The following PCDHA7 variants were observed in gnomAD, a reference collection of about 807,000 sequenced individuals.
PCDHA7 encodes protocadherin alpha-7.
PCDHA7 carries 37 observed loss-of-function variants against 57.2 expected under a neutral mutation model. The observed-to-expected ratio is 0.65, with a 90% CI of 0.50 to 0.85. The LOEUF is 0.85. Among genes scored for constraint, PCDHA7 ranks in the 40% least tolerant of loss-of-function variants. The probability of loss-of-function intolerance (pLI) is 0.00; values close to 1 mark genes in which losing one functional copy is unlikely to be tolerated. For missense variants in PCDHA7, 1,188 were observed against 1,241.8 expected, an observed-to-expected ratio of 0.96 and a Z score of 0.65; for synonymous variants, 553 against 558.8, an observed-to-expected ratio of 0.99 and a Z score of 0.15.
intron 1 of PCDHA7, chr5:140,884,401 G>T (rs781854362): frequency 3.1e-6 from 5 of 1,613,996 alleles, no homozygotes; most frequent in Non-Finnish European, 4.2e-6. Flanking sequence ...CCAGCCTGTT[G>T]GTGCTCACGT....
chr5:140,920,766 C>T (rs370765138), intron 1 of PCDHA7, among the ~76,000 whole-genome samples: 66 of 151,878 alleles, frequency 4.3e-4, no homozygotes, highest in African/African-American at 1.6e-3. Context: ...ATTGCTTACA[C>T]CTGGGAGGTG....
At chr5:140,958,301 TA>T (rs2095417556) in intron 1 of PCDHA7, among the ~76,000 whole-genome samples, 1 of 152,248 alleles carries the variant, frequency 6.6e-6, no homozygotes, top group African/African-American at 2.4e-5. Flanking sequence ...TGAACTTAAT[TA>T]AAATAAATTA....
intron 1 of PCDHA7, among the ~76,000 whole-genome samples, chr5:140,905,949 A>T (rs897929607): frequency 2.0e-5 from 3 of 152,242 alleles, no homozygotes; most frequent in African/African-American, 7.2e-5. Context: ...TTGGAATCCG[A>T]TGTTCAAGGG....
rs560121926 is a variant in PCDHA7 at position 140,949,352 on chromosome 5, T to A, written c.2356-29597T>A. Among the ~76,000 whole-genome samples, 6 of 151,992 alleles carry A rather than the reference T, an allele frequency of 3.9e-5. No individual in the cohort carries two copies. The South Asian group carries it at 1.2e-3, about 31-fold the overall frequency. On this transcript the variant is annotated intron_variant, in intron 1 of 3. Transcript: ENST00000525929. Reference sequence around the variant, plus strand: ...TTGTTATCCAGATTTTCTGTGTCTTTATTTTTTTGTCTAGTTGTCCTATCA... The same window carrying A: ...TTGTTATCCAGATTTTCTGTGTCTTAATTTTTTTGTCTAGTTGTCCTATCA...
At chr5:140,983,740 C>A (rs1250895126) in intron 3 of PCDHA7, among the ~76,000 whole-genome samples, 1 of 152,190 alleles carries the variant, frequency 6.6e-6, no homozygotes, top group African/African-American at 2.4e-5. Context: ...GGCTGGCTTG[C>A]AATAATCCAT....
chr5:140,941,199 C>CTCCCT (rs2092799099), intron 1 of PCDHA7, among the ~76,000 whole-genome samples: 1 of 115,882 alleles, frequency 8.6e-6, no homozygotes, highest in South Asian at 2.6e-4. Flanking sequence ...TTTTTTCTTT[C>CTCCCT]TTCCTTTCTT....
chr5:140,987,012 G>A (rs2097222470), intron 3 of PCDHA7, among the ~76,000 whole-genome samples: 1 of 151,994 alleles, frequency 6.6e-6, no homozygotes. Context: ...TCATGAGTTC[G>A]AGACCAGCCT....
At chr5:140,956,356 T>C (rs1283114496) in intron 1 of PCDHA7, among the ~76,000 whole-genome samples, 3 of 152,218 alleles carry the variant, frequency 2.0e-5, no homozygotes, top group Non-Finnish European at 4.4e-5. Flanking sequence ...ATTTTTAACA[T>C]GAAGGGATGT....
chr5:140,973,406 T>C (rs1205127002), intron 1 of PCDHA7, among the ~76,000 whole-genome samples: 1 of 152,240 alleles, frequency 6.6e-6, no homozygotes, highest in Non-Finnish European at 1.5e-5. Flanking sequence ...ATCTATGAGC[T>C]TCCACTCCAG....
intron 1 of PCDHA7, chr5:140,869,467 G>A: frequency 6.2e-7 from 1 of 1,614,204 alleles, no homozygotes; most frequent in South Asian, 1.1e-5. Context: ...TGTGAACGTG[G>A]AGGTGAAGGA....
At chr5:140,846,097 A>G (rs1554141144) in intron 1 of PCDHA7, among the ~76,000 whole-genome samples, 1 of 149,760 alleles carries the variant, frequency 6.7e-6, no homozygotes, top group African/African-American at 2.4e-5. Context: ...CCTTCCAAGG[A>G]ATGTGTAGAC....
In PCDHA7 at chr5:140,850,779, G is replaced by A. The variant is rs1554144905; in HGVS notation, c.2355+14041G>A. 6.3e-7 allele frequency: 1 copy of A among 1,598,204 alleles called. No homozygotes were observed. Among genetic ancestry groups the A allele is most frequent in the Non-Finnish European group, 8.6e-7 (1 of 1,167,724 alleles). ...GAGGAGGCAGAGGGTGTGCTCTGGC[G>A]AGGGTAAGCAGAAGACCGACCTCAT... On this transcript the variant is annotated intron_variant, in intron 1 of 3. Coordinates refer to ENST00000525929, the MANE Select transcript of PCDHA7 (RefSeq NM_018910.3).
chr5:140,975,202 T>G (rs143285430), intron 1 of PCDHA7, among the ~76,000 whole-genome samples: 4 of 152,352 alleles, frequency 2.6e-5, no homozygotes, highest in African/African-American at 7.2e-5. Flanking sequence ...TCCATCTTCA[T>G]GGCTGGCACT....
chr5:140,845,177 C>T (rs1328451437), intron 1 of PCDHA7, among the ~76,000 whole-genome samples: 1 of 149,016 alleles, frequency 6.7e-6, no homozygotes, highest in East Asian at 1.9e-4. Context: ...TCATTTTAGT[C>T]CTTTAAAAAA....
chr5:140,916,268 T>C (rs1190209711), intron 1 of PCDHA7, among the ~76,000 whole-genome samples: 3 of 152,206 alleles, frequency 2.0e-5, no homozygotes, highest in Non-Finnish European at 4.4e-5. Flanking sequence ...AAGAGCATGC[T>C]TGTTGCTCTA....
chr5:140,915,771 G>T (rs1351294387), intron 1 of PCDHA7, among the ~76,000 whole-genome samples: 1 of 151,922 alleles, frequency 6.6e-6, no homozygotes, highest in Non-Finnish European at 1.5e-5. Flanking sequence ...TCTTGTCCAA[G>T]GCCTGCTGTA....
At chr5:140,866,827 AT>A (rs1488157876) in intron 1 of PCDHA7, 1 of 152,132 alleles carries the variant, frequency 6.6e-6, no homozygotes, top group Non-Finnish European at 1.5e-5. Context: ...TCTTCAATTG[AT>A]TTTACAAAAT....
chr5:140,877,401 G>T (rs183471635), intron 1 of PCDHA7: 1 of 1,613,944 alleles, frequency 6.2e-7, no homozygotes, highest in East Asian at 2.2e-5. Flanking sequence ...CGGACGCTCC[G>T]CGCCACCGCC....
intron 1 of PCDHA7, chr5:140,870,380 C>T (rs373356425): frequency 1.3e-5 from 21 of 1,614,064 alleles, no homozygotes; most frequent in East Asian, 2.2e-5. Flanking sequence ...GTGGTGACTG[C>T]GCGGGATGGG....
Sources: allele counts gnomAD v4.1 joint callset (sites outside exome capture counted in the v4.1 genomes callset), GRCh38; gene constraint gnomAD v4.1.1; transcripts MANE v1.5; gene names NCBI Gene and HGNC (gene_info 2026-07-23, HGNC 2026-07-21).